The following LDB2 variants were observed in gnomAD, a reference collection of about 807,000 sequenced individuals.
LDB2 encodes LIM domain-binding protein 2.
LDB2 carries 12 observed loss-of-function variants against 44.3 expected under a neutral mutation model. That is an observed-to-expected ratio of 0.27 (90% confidence interval 0.17 to 0.44). The LOEUF (loss-of-function observed/expected upper bound fraction) is 0.44, where lower values mean the gene tolerates loss of function less well. Ranked by LOEUF, LDB2 falls within the 20% of genes least tolerant of loss-of-function variation. The pLI is 1.00. For synonymous variants in LDB2, 164 were observed against 174.8 expected (o/e 0.94, Z 0.49); for missense variants, 344 against 473.5 (o/e 0.73, Z 2.54).
intron 1 of LDB2, among the ~76,000 whole-genome samples, chr4:16,862,529 A>C (rs1712999985): frequency 6.9e-6 from 1 of 145,850 alleles, no homozygotes; most frequent in South Asian, 2.2e-4. Flanking sequence ...GCTACTTGGG[A>C]GGCTGAGACA....
At chr4:16,854,843 G>A (rs1428728721) in intron 1 of LDB2, among the ~76,000 whole-genome samples, 1 of 151,716 alleles carries the variant, frequency 6.6e-6, no homozygotes, top group Admixed American at 6.6e-5. Flanking sequence ...ATACACTGTG[G>A]CATTTTACTA....
intron 2 of LDB2, among the ~76,000 whole-genome samples, chr4:16,723,362 G>A (rs920784814): frequency 6.6e-6 from 1 of 152,152 alleles, no homozygotes; most frequent in Non-Finnish European, 1.5e-5. Flanking sequence ...GGACAGGAGA[G>A]CAAGTGTGAG....
chr4:16,534,745 C>T (rs1026780115), intron 5 of LDB2, among the ~76,000 whole-genome samples: 6 of 152,102 alleles, frequency 3.9e-5, no homozygotes, highest in Admixed American at 6.5e-5. Context: ...AGAGGATATC[C>T]GACTCAGAAG....
rs1042922483 is a variant in LDB2, at chr4:16,877,423, G to A, written c.132+20931C>T. The stretch of plus-strand genomic sequence containing the variant: ...GCCATTTAACAGATATGGAAACTGA[G>A]ACCCATTATGCAAATCATCCGAAGT... On this transcript the variant is annotated intron_variant, in intron 1 of 7. Transcript: ENST00000304523. Among the ~76,000 whole-genome samples, 4 of 152,258 alleles carry A rather than the reference G, an allele frequency of 2.6e-5. No homozygotes were observed. In the East Asian group the frequency reaches 7.7e-4, roughly 29 times the overall value.
At chr4:16,548,239 G>A (rs1736444689) in intron 5 of LDB2, among the ~76,000 whole-genome samples, 1 of 152,098 alleles carries the variant, frequency 6.6e-6, no homozygotes, top group South Asian at 2.1e-4. Flanking sequence ...GTGCCCATCT[G>A]TGCAGTACCT....
chr4:16,862,522 A>T (rs180996872), intron 1 of LDB2, among the ~76,000 whole-genome samples: 1 of 150,442 alleles, frequency 6.6e-6, no homozygotes, highest in East Asian at 2.0e-4. Flanking sequence ...AATCCTAGCT[A>T]CTTGGGAGGC....
intron 1 of LDB2, among the ~76,000 whole-genome samples, chr4:16,778,521 G>A (rs1272378483): frequency 6.6e-6 from 1 of 152,144 alleles, no homozygotes; most frequent in African/African-American, 2.4e-5. Context: ...GTGTTTGTGA[G>A]TTTGTGTTTT....
intron 2 of LDB2, among the ~76,000 whole-genome samples, chr4:16,623,484 C>T (rs1298332654): frequency 6.6e-6 from 1 of 152,098 alleles, no homozygotes; most frequent in Non-Finnish European, 1.5e-5. Flanking sequence ...GTAATCCCAG[C>T]TACTCAGGAG....
chr4:16,729,631 C>T (rs1760309653), intron 2 of LDB2, among the ~76,000 whole-genome samples: 1 of 152,120 alleles, frequency 6.6e-6, no homozygotes, highest in African/African-American at 2.4e-5. Flanking sequence ...GCTCACTGGC[C>T]TCTTCCTATT....
At chr4:16,686,892 T>A (rs1485394665) in intron 2 of LDB2, among the ~76,000 whole-genome samples, 1 of 152,182 alleles carries the variant, frequency 6.6e-6, no homozygotes, top group East Asian at 1.9e-4. Flanking sequence ...GTTGGGGGGA[T>A]CCTTATTCCT....
In LDB2 at chr4:16,898,523, C is replaced by T. The variant is rs1725967928; in HGVS notation, c.-38G>A. On this transcript the variant is annotated 5_prime_UTR_variant, in exon 1 of 8. Transcript: ENST00000304523. ...TCGAAAATCAAGCTAAACAGAGTAT[C>T]AGTAACGTCCATGCAGAGCACATGG... The T allele has an allele frequency of 1.1e-5, 18 of 1,609,574 alleles. No homozygotes were observed. Among genetic ancestry groups the T allele is most frequent in the African/African-American group, 4.0e-5 (3 of 74,596 alleles).
At chr4:16,690,663 T>C (rs538858876) in intron 2 of LDB2, among the ~76,000 whole-genome samples, 1 of 152,186 alleles carries the variant, frequency 6.6e-6, no homozygotes, top group African/African-American at 2.4e-5. Context: ...TTGGTCTTTC[T>C]AAACCAATGG....
chr4:16,521,140 G>A (rs958688534), intron 5 of LDB2, among the ~76,000 whole-genome samples: 2 of 152,136 alleles, frequency 1.3e-5, no homozygotes, highest in African/African-American at 4.8e-5. Flanking sequence ...CATTTCTTAG[G>A]ACTGCCATAT....
At chr4:16,821,508 C>T (rs1334687678) in intron 1 of LDB2, among the ~76,000 whole-genome samples, 10 of 150,558 alleles carry the variant, frequency 6.6e-5, no homozygotes, top group African/African-American at 2.4e-4. Flanking sequence ...CTCAGCCTCC[C>T]GAGTAGCTGG....
At chr4:16,578,049 A>G (rs970397926) in intron 5 of LDB2, among the ~76,000 whole-genome samples, 1 of 152,176 alleles carries the variant, frequency 6.6e-6, no homozygotes, top group Non-Finnish European at 1.5e-5. Context: ...TTCTCACCAT[A>G]TACAAAAATC....
chr4:16,503,013 G>A (rs1717920250), intron 7 of LDB2, 140 bp from the exon 8 acceptor site: 3 of 1,578,714 alleles, frequency 1.9e-6, no homozygotes, highest in African/African-American at 1.3e-5. Flanking sequence ...AATGTCGGGG[G>A]CCGAGACGCA....
intron 1 of LDB2, among the ~76,000 whole-genome samples, chr4:16,852,518 C>T (rs540615016): frequency 4.6e-5 from 7 of 152,244 alleles, no homozygotes; most frequent in Admixed American, 4.6e-4. Context: ...TATATGAATA[C>T]CTGTGATCAT....
chr4:16,768,295 T>C (rs1308650209), intron 1 of LDB2, among the ~76,000 whole-genome samples: 4 of 152,194 alleles, frequency 2.6e-5, no homozygotes, highest in Admixed American at 2.6e-4. Context: ...CTTCAGTATC[T>C]TGTGGTTCTA....
chr4:16,646,348 TA>T (rs1736791737), intron 2 of LDB2, among the ~76,000 whole-genome samples: 1 of 152,334 alleles, frequency 6.6e-6, no homozygotes, highest in African/African-American at 2.4e-5. Flanking sequence ...TGTGGAATAT[TA>T]GATCCTTCTT....
Sources: gnomAD v4.1 joint callset for allele counts (sites outside exome capture counted in the v4.1 genomes callset) on GRCh38, gnomAD v4.1.1 for gene constraint, MANE v1.5 for transcripts, NCBI Gene and HGNC (gene_info 2026-07-23, HGNC 2026-07-21) for gene names.